SLC22A23: variants seen among roughly 807,000 people sequenced by gnomAD.
SLC22A23 encodes the protein solute carrier family 22 member 23.
In SLC22A23, 26 loss-of-function variants were observed where a neutral mutation model predicts 61.0. The observed-to-expected ratio is 0.43, with a 90% CI of 0.31 to 0.59. SLC22A23 has a LOEUF of 0.59. SLC22A23 is among the 20% of genes least tolerant of loss of function. SLC22A23 has a pLI of 0.11. For missense variants in SLC22A23, 796 were observed against 934.7 expected (o/e 0.85, Z 1.94); for synonymous variants, 430 against 413.9 (o/e 1.04, Z -0.47).
intron 3 of SLC22A23, among the ~76,000 whole-genome samples, chr6:3,343,473 G>GCACA (rs149684941): frequency 6.7e-6 from 1 of 149,964 alleles, no homozygotes; most frequent in African/African-American, 2.4e-5. Flanking sequence ...ACACACACAC[G>GCACA]CACACACACA....
Position 3,377,081 on chromosome 6 carries a change from C to T in SLC22A23, c.913+33107G>A, listed in dbSNP as rs148502607. On this transcript the variant is annotated intron_variant, in intron 3 of 9. Transcript: ENST00000406686. ...GCAGAGGTTGGCAAACTGCAGCCTGCGGGACAAATTTGGCCCACTGCCTGT... is the reference window on the plus strand; with the variant it reads ...GCAGAGGTTGGCAAACTGCAGCCTGTGGGACAAATTTGGCCCACTGCCTGT... 1.8e-4 allele frequency among the ~76,000 whole-genome samples: 28 copies of T among 152,042 alleles called. 1 individual carries two copies. The highest frequency in any genetic ancestry group is 1.3e-3 in the South Asian group (6 of 4,796).
intron 2 of SLC22A23, among the ~76,000 whole-genome samples, chr6:3,412,754 G>C (rs1403602789): frequency 6.6e-6 from 1 of 152,204 alleles, no homozygotes; most frequent in Non-Finnish European, 1.5e-5. Flanking sequence ...CCAATCTAAT[G>C]ACAAGGAAAA....
intron 4 of SLC22A23, 26 bp from the exon 5 acceptor site, chr6:3,298,244 G>GA (rs921250031): frequency 1.2e-5 from 19 of 1,580,116 alleles, no homozygotes; most frequent in Non-Finnish European, 1.5e-5. Flanking sequence ...GGGGATCAGT[G>GA]AATGTCTTCC....
At chr6:3,413,902 A>G (rs1769463413) in intron 2 of SLC22A23, among the ~76,000 whole-genome samples, 1 of 152,190 alleles carries the variant, frequency 6.6e-6, no homozygotes, top group African/African-American at 2.4e-5. Context: ...CCTGCCCCTG[A>G]TTCCCGGGGC....
chr6:3,338,664 G>A (rs945444345), intron 3 of SLC22A23, among the ~76,000 whole-genome samples: 6 of 152,220 alleles, frequency 3.9e-5, no homozygotes, highest in African/African-American at 1.4e-4. Context: ...AAACCTAAAA[G>A]GGTAGAGGAA....
chr6:3,273,604 G>A (rs964902303), intron 9 of SLC22A23, among the ~76,000 whole-genome samples, 192 bp from the exon 10 acceptor site: 1 of 152,256 alleles, frequency 6.6e-6, no homozygotes, highest in Non-Finnish European at 1.5e-5. Context: ...CTCTACGGCA[G>A]TGACTGTTTT....
intron 1 of SLC22A23, among the ~76,000 whole-genome samples, chr6:3,448,283 A>C (rs564064138): frequency 6.6e-6 from 1 of 152,190 alleles, no homozygotes; most frequent in South Asian, 2.1e-4. Context: ...AAGAAAAAAA[A>C]CCCTGATCTC....
At chr6:3,362,601 C>T (rs1765550577) in intron 3 of SLC22A23, among the ~76,000 whole-genome samples, 1 of 151,904 alleles carries the variant, frequency 6.6e-6, no homozygotes, top group Non-Finnish European at 1.5e-5. Flanking sequence ...AGCCCCCCAT[C>T]CCATCTCCTT....
At chr6:3,397,091 T>C (rs1046880530) in intron 3 of SLC22A23, among the ~76,000 whole-genome samples, 11 of 152,290 alleles carry the variant, frequency 7.2e-5, no homozygotes, top group African/African-American at 2.6e-4. Context: ...GCCTGTCCGC[T>C]TTATGCTCCT....
chr6:3,396,919 GAA>G (rs35847585), intron 3 of SLC22A23, among the ~76,000 whole-genome samples: 39,435 of 151,966 alleles, frequency 0.26, 5,635 homozygotes, highest in Middle Eastern at 0.38. Flanking sequence ...CCAGGATACA[GAA>G]AGCCCTGTGT....
At chr6:3,381,167 G>C (rs946959520) in intron 3 of SLC22A23, among the ~76,000 whole-genome samples, 1 of 152,128 alleles carries the variant, frequency 6.6e-6, no homozygotes, top group Non-Finnish European at 1.5e-5. Context: ...ACCATCAAAA[G>C]GACTAACTGA....
chr6:3,320,225 C>T (rs7750145), intron 4 of SLC22A23, among the ~76,000 whole-genome samples: 7,941 of 152,238 alleles, frequency 0.052, 300 homozygotes, highest in African/African-American at 0.098. Context: ...TTCCCTGGAG[C>T]TCAGTGTCGT....
chr6:3,326,736 C>A (rs929104317), intron 3 of SLC22A23, among the ~76,000 whole-genome samples: 1 of 152,304 alleles, frequency 6.6e-6, no homozygotes, highest in Non-Finnish European at 1.5e-5. Flanking sequence ...AGTTAACTAC[C>A]TTTTTTTGTC....
intron 5 of SLC22A23, among the ~76,000 whole-genome samples, chr6:3,294,033 A>C (rs1054467058): frequency 6.6e-6 from 1 of 152,186 alleles, no homozygotes; most frequent in East Asian, 1.9e-4. Context: ...GGCTCCCCAC[A>C]AGGAAGAAGA....
At chr6:3,291,235 C>T (rs1488666764) in intron 5 of SLC22A23, 5 of 152,148 alleles carry the variant, frequency 3.3e-5, no homozygotes, top group African/African-American at 9.7e-5. Flanking sequence ...CCTGTGCTTC[C>T]GAGGGCCACT....
chr6:3,289,981 CTTTTTT>C (rs35568219), intron 5 of SLC22A23, 115 bp from the exon 6 acceptor site: 779 of 447,938 alleles, frequency 1.7e-3, no homozygotes, highest in East Asian at 3.5e-3. Flanking sequence ...GAGAGAGAAG[CTTTTTT>C]TTTTTTTTTT....
intron 4 of SLC22A23, chr6:3,311,536 G>A (rs952703741): frequency 5.3e-5 from 8 of 152,062 alleles, no homozygotes; most frequent in African/African-American, 1.7e-4. Context: ...TTTTTTAAAC[G>A]TTAGTTCTGT....
At position 3,305,803 on chromosome 6, in the gene SLC22A23, C is replaced by T. The variant is rs145192807; in HGVS notation, c.1083-7585G>A. Among the ~76,000 whole-genome samples the T allele has an allele frequency of 3.1e-3, 476 of 152,266 alleles. 1 individual carries two copies. The highest frequency in any genetic ancestry group is 0.01 in the Middle Eastern group (3 of 294). ...CGACCTTGAGGATGACTTCTGCAAC[C>T]GTAAAACACAACTAGGCATTAAAAC... On this transcript the variant is annotated intron_variant, in intron 4 of 9. Transcript: ENST00000406686.
chr6:3,432,257 G>C, intron 1 of SLC22A23: 2 of 985,472 alleles, frequency 2.0e-6, no homozygotes, highest in South Asian at 9.4e-5. Flanking sequence ...GGAAAGCTCT[G>C]TTCCTCTGCT....
Sources: allele counts gnomAD v4.1 joint callset (sites outside exome capture counted in the v4.1 genomes callset), GRCh38; gene constraint gnomAD v4.1.1; transcripts MANE v1.5; gene names NCBI Gene and HGNC (gene_info 2026-07-23, HGNC 2026-07-21).